Variants in EHD2 observed in about 807,000 individuals in gnomAD.
EHD2 encodes the protein EH domain containing 2.
A neutral mutation model predicts 41.0 loss-of-function variants in EHD2; 27 were observed. The observed-to-expected ratio is 0.66, with a 90% CI of 0.49 to 0.91. The LOEUF (loss-of-function observed/expected upper bound fraction) is 0.91, where lower values mean the gene tolerates loss of function less well. Among genes scored for constraint, EHD2 ranks in the 40% least tolerant of loss-of-function variants. The pLI, the probability that EHD2 is intolerant of heterozygous loss-of-function variation, is 0.00. For synonymous variants in EHD2, 342 were observed against 341.0 expected, an observed-to-expected ratio of 1.00 and a Z score of -0.03; for missense variants, 673 against 773.9, an observed-to-expected ratio of 0.87 and a Z score of 1.55.
rs3074117 is a variant in EHD2, at chr19:47,742,277, CCTTT to C, written c.*854_*857del. 3.8e-6 allele frequency: 1 copy of C among 261,926 alleles called. No individual in the cohort carries two copies. Among genetic ancestry groups the C allele is most frequent in the South Asian group, 3.6e-5 (1 of 27,408 alleles). The allele number at this position is 261,926 out of a possible 1,614,324, so 16.2% of individuals were successfully genotyped here. A position where few individuals can be genotyped will look rare whatever the true frequency, so the allele number is the denominator to read the frequency against. On this transcript the variant is annotated 3_prime_UTR_variant, in exon 6 of 6. Coordinates refer to ENST00000263277, the MANE Select transcript of EHD2 (RefSeq NM_014601.4). ...ACACCCCTTCCCTTTCCTGTCCTGT[CCTTT>C]CTTTCTTTTTTGATAGAATCTTGCT...
chr19:47,737,613 C>T (rs956016163), intron 5 of EHD2, among the ~76,000 whole-genome samples: 51 of 152,088 alleles, frequency 3.4e-4, no homozygotes, highest in African/African-American at 1.0e-3. Context: ...GCTGAGATCA[C>T]ACCACTGCAA....
chr19:47,731,279 A>AAAAAAAAAAATT, intron 4 of EHD2: 3 of 60,928 alleles, frequency 4.9e-5, no homozygotes, highest in Non-Finnish European at 1.1e-4. Context: ...AAAAAAAAAA[A>AAAAAAAAAAATT]ATATATATAT....
In EHD2 at chr19:47,718,590, G is replaced by A. The variant is rs1188847180; in HGVS notation, c.486G>A (p.Lys162=). The A allele has an allele frequency of 1.7e-5, 26 of 1,570,044 alleles. No homozygotes were observed. The highest frequency in any genetic ancestry group is 2.2e-5 in the Non-Finnish European group (25 of 1,156,954). ...IDTPGILSGA[K]QRVSRGYDFP... Reference sequence around the variant, plus strand: ...CCCCGGGTATCCTGTCGGGTGCCAAGCAGAGAGTGAGCCGCGGTGAGTGGG... The same window carrying A: ...CCCCGGGTATCCTGTCGGGTGCCAAACAGAGAGTGAGCCGCGGTGAGTGGG... The change falls in exon 3 of 6, where the codon AAG becomes AAA. Residue 162 remains lysine, a synonymous_variant. Coordinates refer to ENST00000263277, the MANE Select transcript of EHD2 (RefSeq NM_014601.4).
At chr19:47,740,842 C>A in intron 5 of EHD2, 39 bp from the exon 6 acceptor site, 4 of 1,598,516 alleles carry the variant, frequency 2.5e-6, no homozygotes, top group Non-Finnish European at 3.4e-6. Context: ...TCAGGGATGG[C>A]GCCGCTTGAA....
chr19:47,718,633 G>A, intron 3 of EHD2, 27 bp downstream of exon 3: 1 of 1,545,814 alleles, frequency 6.5e-7, no homozygotes, highest in African/African-American at 1.4e-5. Context: ...CCTGGGGTCT[G>A]AGGGAGGAGG....
rs1206101960 is a variant in EHD2 at position 47,716,855 on chromosome 19, G to A, written c.243G>A (p.Gln81=). The change falls in exon 2 of 6, where the codon CAG becomes CAA. Residue 81 remains glutamine (Q), a synonymous_variant. Transcript: ENST00000263277. Reference sequence around the variant, plus strand: ...GCTTCATCCAGTACCTGCTGGAGCAGGAGGTGCCCGGCTCCCGCGTGGGGC... The same window carrying A: ...GCTTCATCCAGTACCTGCTGGAGCAAGAGGTGCCCGGCTCCCGCGTGGGGC... The part of the protein sequence containing the change: ...KTSFIQYLLE[Q]EVPGSRVGPE... The A allele has an allele frequency of 3.1e-6, 5 of 1,610,806 alleles. No homozygotes were observed. The highest frequency in any genetic ancestry group is 4.2e-6 in the Non-Finnish European group (5 of 1,178,554).
chr19:47,739,516 G>A (rs1425693021), intron 5 of EHD2, among the ~76,000 whole-genome samples: 4 of 145,882 alleles, frequency 2.7e-5, no homozygotes, highest in African/African-American at 7.6e-5. Flanking sequence ...CAGGAGAATC[G>A]CTTGAACCCA....
At chr19:47,726,699 T>TG (rs1241709295) in intron 4 of EHD2, among the ~76,000 whole-genome samples, 1 of 152,004 alleles carries the variant, frequency 6.6e-6, no homozygotes, top group Admixed American at 6.6e-5. Context: ...TTTTAAGAGA[T>TG]GGAGTCTCGC....
chr19:47,716,226 G>A (rs952458083), intron 1 of EHD2, among the ~76,000 whole-genome samples: 4 of 151,822 alleles, frequency 2.6e-5, no homozygotes, highest in Non-Finnish European at 4.4e-5. Context: ...CTACAGGCAT[G>A]CACCACCATG....
chr19:47,728,095 C>CAAAA lies in EHD2; in HGVS notation c.915+1872_915+1875dup, dbSNP rs33962779. On this transcript the variant is annotated intron_variant, in intron 4 of 5. Transcript: ENST00000263277. ...TAGGCGACAGAACGAGACTCTGTCTCAAAATAAAAAAAAAAAAAAAGATGA... is the reference window on the plus strand; with the variant it reads ...TAGGCGACAGAACGAGACTCTGTCTCAAAAAAAATAAAAAAAAAAAAAAAGATGA... Among the ~76,000 whole-genome samples, 29 of 124,702 alleles carry CAAAA rather than the reference C, an allele frequency of 2.3e-4. 1 individual carries two copies. The highest frequency in any genetic ancestry group is 3.3e-4 in the African/African-American group (10 of 30,310). 81.8% of individuals were successfully genotyped at this position (124,702 alleles called of 152,430 possible).
chr19:47,716,553 C>A lies in EHD2; in HGVS notation c.-55-5C>A. Reference sequence around the variant, plus strand: ...CTATGCTCATGCCCTCTCCCCCTCCCACAGGCAGCTCTCCATCTGCACGTC... The same window carrying A: ...CTATGCTCATGCCCTCTCCCCCTCCAACAGGCAGCTCTCCATCTGCACGTC... On this transcript the variant is annotated splice_polypyrimidine_tract_variant and splice_region_variant and intron_variant, in intron 1 of 5. Transcript: ENST00000263277. 1 of 1,443,290 alleles carries A rather than the reference C, an allele frequency of 6.9e-7. No individual in the cohort carries two copies. The highest frequency in any genetic ancestry group is 2.5e-5 in the East Asian group (1 of 40,168). The allele number at this position is 1,443,290 out of a possible 1,614,324, so 89.4% of individuals were successfully genotyped here. A position where few individuals can be genotyped will look rare whatever the true frequency, so the allele number is the denominator to read the frequency against.
rs1170091431 is a variant in EHD2 at position 47,741,108 on chromosome 19, G to A, written c.1308G>A (p.Glu436=). 1.9e-6 allele frequency: 3 copies of A among 1,610,550 alleles called. No individual in the cohort carries two copies. The highest frequency in any genetic ancestry group is 2.5e-6 in the Non-Finnish European group (3 of 1,179,918). Residue 436 remains glutamate, a synonymous_variant, in exon 6 of 6, where the codon GAG becomes GAA. Coordinates refer to ENST00000263277, the MANE Select transcript of EHD2 (RefSeq NM_014601.4). This position sits in a 1 kb window ranked among gnomAD's most constrained non-coding sequence, Gnocchi z 4.5. ...GPDEAMEDGE[E]GSDDEAEWVV... ...ACGAGGCCATGGAGGACGGCGAGGA[G>A]GGCTCGGACGACGAGGCCGAGTGGG...
At chr19:47,722,839 A>G (rs7259909) in intron 3 of EHD2, among the ~76,000 whole-genome samples, 64,595 of 151,950 alleles carry the variant, frequency 0.43, 14,472 homozygotes, top group Middle Eastern at 0.56. Context: ...AAGTGCTGGG[A>G]TTGCAGGCGT....
intron 4 of EHD2, among the ~76,000 whole-genome samples, chr19:47,729,348 C>G (rs55873772): frequency 0.026 from 3,968 of 152,166 alleles, 79 homozygotes; most frequent in African/African-American, 0.046. Flanking sequence ...TGCTTTGTCC[C>G]TAGGGCACTG....
intron 4 of EHD2, chr19:47,729,634 A>C (rs1973787789): frequency 6.6e-6 from 1 of 152,578 alleles, no homozygotes; most frequent in African/African-American, 2.4e-5. Flanking sequence ...AGAAGGTTCT[A>C]GGGGGTGGAG....
chr19:47,716,493 A>T, intron 1 of EHD2, 65 bp from the exon 2 acceptor site: 1 of 1,172,620 alleles, frequency 8.5e-7, no homozygotes, highest in Non-Finnish European at 1.2e-6. Flanking sequence ...GACAGTCTAC[A>T]CTCAGACCCC....
At chr19:47,739,220 C>T (rs1011162093) in intron 5 of EHD2, among the ~76,000 whole-genome samples, 3 of 151,648 alleles carry the variant, frequency 2.0e-5, no homozygotes, top group African/African-American at 4.8e-5. Context: ...CTGTCTCAGC[C>T]TCCCAAAGTA....
chr19:47,736,223 G>A lies in EHD2; in HGVS notation c.916-146G>A, dbSNP rs369864156. 1.7e-4 allele frequency: 122 copies of A among 705,204 alleles called. 1 individual carries two copies. Among genetic ancestry groups the A allele is most frequent in the African/African-American group, 1.1e-3 (56 of 53,064 alleles). 43.7% of individuals were successfully genotyped at this position (705,204 alleles called of 1,614,324 possible). A position where few individuals can be genotyped will look rare whatever the true frequency, so the allele number is the denominator to read the frequency against. ...AGAAAAAAAAAGAGAGAGAGAGAGA[G>A]AAAAAGAAATAAAAGAAATACAAAT... On this transcript the variant is annotated intron_variant, in intron 4 of 5. Transcript: ENST00000263277.
At chr19:47,720,783 G>C (rs567417492) in intron 3 of EHD2, among the ~76,000 whole-genome samples, 1 of 152,208 alleles carries the variant, frequency 6.6e-6, no homozygotes, top group East Asian at 1.9e-4. Flanking sequence ...GTGGGACTGT[G>C]TGTGACTACC....
Sources: allele counts gnomAD v4.1 joint callset (sites outside exome capture counted in the v4.1 genomes callset), GRCh38; gene constraint gnomAD v4.1.1; non-coding constraint Gnocchi (gnomAD v3.1); transcripts MANE v1.5; gene names NCBI Gene and HGNC (gene_info 2026-07-23, HGNC 2026-07-21).